Variants in ZNF175 observed in about 807,000 individuals in gnomAD.
ZNF175 encodes zinc finger protein OTK18.
Under a neutral mutation model 14.0 loss-of-function variants are expected in ZNF175, and 8 were observed. That is an observed-to-expected ratio of 0.57 (90% CI 0.34 to 1.03). The LOEUF is 1.03. ZNF175 is among the 50% of genes least tolerant of loss of function. The probability of loss-of-function intolerance (pLI) is 0.03; values close to 1 mark genes in which losing one functional copy is unlikely to be tolerated. For missense variants in ZNF175, 764 were observed against 849.5 expected, an observed-to-expected ratio of 0.90 and a Z score of 1.25; for synonymous variants, 255 against 296.8, an observed-to-expected ratio of 0.86 and a Z score of 1.45.
chr19:51,591,569 GTT>G lies in ZNF175; in HGVS notation c.*3104_*3105del, dbSNP rs1454630570. The G allele has an allele frequency of 1.3e-5, 2 of 152,114 alleles. No homozygotes were observed. The highest frequency in any genetic ancestry group is 2.9e-5 in the Non-Finnish European group (2 of 68,018). The allele number at this position is 152,114 out of a possible 1,614,324, so 9.4% of individuals were successfully genotyped here. ...CTAGGCAGCTTGTATGAACTAACTC[GTT>G]TATTCCTCACAGCCATTGTAGGAAA... is the stretch of plus-strand genomic sequence containing the variant. On this transcript the variant is annotated 3_prime_UTR_variant, in exon 5 of 5. Coordinates refer to ENST00000262259, the MANE Select transcript of ZNF175 (RefSeq NM_007147.4).
intron 2 of ZNF175, among the ~76,000 whole-genome samples, chr19:51,576,124 C>T (rs914790587): frequency 2.0e-5 from 3 of 150,124 alleles, no homozygotes; most frequent in East Asian, 3.9e-4. Context: ...TGCAAACCCT[C>T]GCTATTTCAG....
intron 4 of ZNF175, among the ~76,000 whole-genome samples, chr19:51,582,163 C>T (rs1282971500): frequency 6.6e-6 from 1 of 152,214 alleles, no homozygotes; most frequent in Non-Finnish European, 1.5e-5. Flanking sequence ...ATGGGCTGCA[C>T]CAGTTCACAC....
In ZNF175 at chr19:51,582,496, A is replaced by G. The variant is rs111737473; in HGVS notation, c.295+614A>G. Among the ~76,000 whole-genome samples the G allele has an allele frequency of 3.9e-3, 595 of 152,046 alleles. 6 individuals are homozygous for G. Among genetic ancestry groups the G allele is most frequent in the African/African-American group, 0.014 (570 of 41,456 alleles). On this transcript the variant is annotated intron_variant, in intron 4 of 4. Coordinates refer to ENST00000262259, the MANE Select transcript of ZNF175 (RefSeq NM_007147.4). ...GTATTTTTAGTAGAGACAGGGTTTC[A>G]CCCTGTTAGCCAGGATGGTCTCGAT...
At position 51,581,896 on chromosome 19, in the gene ZNF175, A is replaced by G. The variant is rs1982019890; in HGVS notation, c.295+14A>G. The G allele has an allele frequency of 8.1e-6, 13 of 1,609,182 alleles. No individual in the cohort carries two copies. Among genetic ancestry groups the G allele is most frequent in the Non-Finnish European group, 1.1e-5 (13 of 1,176,346 alleles). On this transcript the variant is annotated intron_variant, in intron 4 of 4. Transcript: ENST00000262259. ...AGAGGTGTCAAGGTGAGTAAGTTGTACCCGGGCAAATGTAGATATCTTTGC... is the reference window on the plus strand; with the variant it reads ...AGAGGTGTCAAGGTGAGTAAGTTGTGCCCGGGCAAATGTAGATATCTTTGC...
rs770736339 is a variant in ZNF175 at position 51,589,643 on chromosome 19, C to T, written c.*1176C>T. On this transcript the variant is annotated 3_prime_UTR_variant, in exon 5 of 5. Coordinates refer to ENST00000262259, the MANE Select transcript of ZNF175 (RefSeq NM_007147.4). The stretch of plus-strand genomic sequence containing the variant: ...CATTAGTCTCGTTCATATTTTTACA[C>T]CAGGAGTCAACAAACTGTGGCCATT... 1.4e-6 allele frequency: 1 copy of T among 692,018 alleles called. No individual in the cohort carries two copies. The highest frequency in any genetic ancestry group is 2.7e-5 in the East Asian group (1 of 37,232). 42.9% of individuals were successfully genotyped at this position (692,018 alleles called of 1,614,324 possible). A position where few individuals can be genotyped will look rare whatever the true frequency, so the allele number is the denominator to read the frequency against.
Position 51,592,274 on chromosome 19 carries a change from C to T in ZNF175, c.*3807C>T, listed in dbSNP as rs78025665. 2.9e-3 allele frequency: 642 copies of T among 220,612 alleles called. 6 individuals carry two copies. In the East Asian group the frequency reaches 0.035, roughly 12 times the overall value. 13.7% of individuals were successfully genotyped at this position (220,612 alleles called of 1,614,324 possible). Reference sequence around the variant, plus strand: ...TGCTACACATCCCAGCTCTGCCCCTCGCTAGTTTGGTGGCAAGCAACTTAA... The same window carrying T: ...TGCTACACATCCCAGCTCTGCCCCTTGCTAGTTTGGTGGCAAGCAACTTAA... On this transcript the variant is annotated 3_prime_UTR_variant, in exon 5 of 5. Transcript: ENST00000262259.
rs1196584751 is a variant in ZNF175 at position 51,581,864 on chromosome 19, TCA to T, written c.280_281del (p.His94SerfsTer11). Reference sequence around the variant, plus strand: ...GCCGCGTGTGGAGGAGGCTGAAGTCTCACATCAGAGGTGTCAAGGTGAGTAAG... The same window carrying T: ...GCCGCGTGTGGAGGAGGCTGAAGTCTCATCAGAGGTGTCAAGGTGAGTAAG... ...KEPRVEEAEV[S>X]HQRCQEREFG... On this transcript the variant is annotated frameshift_variant, in exon 4 of 5. Coordinates refer to ENST00000262259, the MANE Select transcript of ZNF175 (RefSeq NM_007147.4). LOFTEE classifies it low-confidence loss of function (END_TRUNC). 2.5e-6 allele frequency: 4 copies of T among 1,613,644 alleles called. No individual in the cohort carries two copies. Among genetic ancestry groups the T allele is most frequent in the East Asian group, 2.2e-5 (1 of 44,886 alleles).
At chr19:51,585,949 G>A (rs1186417905) in intron 4 of ZNF175, among the ~76,000 whole-genome samples, 1 of 152,160 alleles carries the variant, frequency 6.6e-6, no homozygotes, top group Non-Finnish European at 1.5e-5. Context: ...AAAAAAAATT[G>A]TAGCTTCATG....
At position 51,589,332 on chromosome 19, in the gene ZNF175, CAGG is replaced by C. The variant is rs375492493; in HGVS notation, c.*868_*870del. ...GTTTGCTGCAGAATTCACTGCATAG[CAGG>C]AGATGTAAGCAGATGAGTTATTTTT... On this transcript the variant is annotated 3_prime_UTR_variant, in exon 5 of 5. Coordinates refer to ENST00000262259, the MANE Select transcript of ZNF175 (RefSeq NM_007147.4). 315 of 565,938 alleles carry C rather than the reference CAGG, an allele frequency of 5.6e-4. 6 individuals carry two copies. The South Asian group carries it at 6.2e-3, about 11-fold the overall frequency. The allele number at this position is 565,938 out of a possible 1,614,324, so 35.1% of individuals were successfully genotyped here.
chr19:51,572,609 G>A (rs775118875), intron 1 of ZNF175, among the ~76,000 whole-genome samples: 4 of 152,166 alleles, frequency 2.6e-5, no homozygotes, highest in African/African-American at 4.8e-5. Flanking sequence ...CCACGTATGG[G>A]TACATGAGAT....
rs1982256645 is a variant in ZNF175, at chr19:51,588,578, G to A, written c.*111G>A. On this transcript the variant is annotated 3_prime_UTR_variant, in exon 5 of 5. Transcript: ENST00000262259. ...TATATGTTATTGAATTCATGCTTCA[G>A]AAAAACTCTAGGGATGCACTGCATG... 7.8e-6 allele frequency: 10 copies of A among 1,283,238 alleles called. No homozygotes were observed. The South Asian group carries it at 1.6e-4, about 21-fold the overall frequency. The allele number at this position is 1,283,238 out of a possible 1,614,324, so 79.5% of individuals were successfully genotyped here. A position where few individuals can be genotyped will look rare whatever the true frequency, so the allele number is the denominator to read the frequency against.
intron 4 of ZNF175, among the ~76,000 whole-genome samples, chr19:51,584,162 A>G (rs1446500361): frequency 6.7e-6 from 1 of 150,200 alleles, no homozygotes; most frequent in Admixed American, 6.6e-5. Flanking sequence ...AAGGCTACTC[A>G]AAAAGTAAGT....
In ZNF175 at chr19:51,586,971, C is replaced by A; in HGVS notation, c.640C>A (p.Gln214Lys). ...SLKLNLEVNG[Q>K]NESNDTEQLD... ...GAAGCTGAACCTAGAAGTGAACGGT[C>A]AGAATGAAAGCAATGACACAGAACA... The change falls in exon 5 of 5, where the codon CAG (glutamine) becomes AAG (lysine). Residue 214 changes from glutamine to lysine, a missense_variant. Coordinates refer to ENST00000262259, the MANE Select transcript of ZNF175 (RefSeq NM_007147.4). 6.2e-7 allele frequency: 1 copy of A among 1,614,110 alleles called. No individual in the cohort carries two copies. The highest frequency in any genetic ancestry group is 1.1e-5 in the South Asian group (1 of 91,036).
At chr19:51,580,924 C>T (rs1981974444) in intron 2 of ZNF175, among the ~76,000 whole-genome samples, 1 of 152,160 alleles carries the variant, frequency 6.6e-6, no homozygotes, top group East Asian at 1.9e-4. Flanking sequence ...CTAATTTGCC[C>T]TTCCCCAACA....
At chr19:51,574,521 A>G (rs1488995142) in intron 2 of ZNF175, among the ~76,000 whole-genome samples, 2 of 152,268 alleles carry the variant, frequency 1.3e-5, no homozygotes, top group Middle Eastern at 3.4e-3. Flanking sequence ...TACAAAAATT[A>G]GCCAGGTGTG....
At position 51,587,866 on chromosome 19, in the gene ZNF175, TCACCCAAAAGTCA is replaced by T; in HGVS notation, c.1540_1552del (p.Gln514Ter). 6.2e-7 allele frequency: 1 copy of T among 1,614,048 alleles called. No homozygotes were observed. On this transcript the variant is annotated frameshift_variant, in exon 5 of 5. Coordinates refer to ENST00000262259, the MANE Select transcript of ZNF175 (RefSeq NM_007147.4). LOFTEE classifies it low-confidence loss of function (END_TRUNC). The stretch of plus-strand genomic sequence containing the variant: ...GAATGCAGTGACTGTGGAAAAACCT[TCACCCAAAAGTCA>T]CACCTGAATATACACCAGAAAATTC...
In ZNF175 at chr19:51,581,504, T is replaced by C. The variant is rs762308527; in HGVS notation, c.186T>C (p.His62=). The change falls in exon 3 of 5, where the codon CAT becomes CAC. Residue 62 remains histidine, a synonymous_variant. Coordinates refer to ENST00000262259, the MANE Select transcript of ZNF175 (RefSeq NM_007147.4). ...ATGTGATGCTGGAGCTCTATAGCCA[T>C]CTCTTCGCAGTGGGTGAGCACAACT... ...YRDVMLELYS[H]LFAVGYHIPN... is the part of the protein sequence containing the mutation. 2.5e-6 allele frequency: 4 copies of C among 1,613,410 alleles called. No homozygotes were observed. Among genetic ancestry groups the C allele is most frequent in the Non-Finnish European group, 3.4e-6 (4 of 1,179,500 alleles).
chr19:51,584,780 G>A (rs1436144239), intron 4 of ZNF175, among the ~76,000 whole-genome samples: 3 of 151,930 alleles, frequency 2.0e-5, no homozygotes, highest in South Asian at 2.1e-4. Context: ...AAAACCACTG[G>A]GTGATATCCC....
Position 51,576,901 on chromosome 19 carries a change from A to G in ZNF175, c.72+3500A>G, listed in dbSNP as rs549749769. Among the ~76,000 whole-genome samples, 250 of 152,236 alleles carry G rather than the reference A, an allele frequency of 1.6e-3. 1 individual carries two copies. Among genetic ancestry groups the G allele is most frequent in the African/African-American group, 5.7e-3 (236 of 41,538 alleles). On this transcript the variant is annotated intron_variant, in intron 2 of 4. Coordinates refer to ENST00000262259, the MANE Select transcript of ZNF175 (RefSeq NM_007147.4). ...GTACACGGCAGTAAATCCTGTGAGAACTTATCTGAACATGTCTGTTCAGAT... is the reference window on the plus strand; with the variant it reads ...GTACACGGCAGTAAATCCTGTGAGAGCTTATCTGAACATGTCTGTTCAGAT...
Sources: gnomAD v4.1 joint callset for allele counts (sites outside exome capture counted in the v4.1 genomes callset) on GRCh38, gnomAD v4.1.1 for gene constraint, MANE v1.5 for transcripts, NCBI Gene and HGNC (gene_info 2026-07-23, HGNC 2026-07-21) for gene names.